DNAH6: variants seen among roughly 807,000 people sequenced by gnomAD.
The protein encoded by DNAH6 is axonemal beta dynein heavy chain 6.
Under a neutral mutation model 491.4 loss-of-function variants are expected in DNAH6, and 340 were observed. The ratio of observed to expected loss-of-function variants is 0.69; its 90% CI spans 0.63 to 0.76. The LOEUF is 0.76. DNAH6 is among the 30% of genes least tolerant of loss of function. The pLI, the probability that DNAH6 is intolerant of heterozygous loss-of-function variation, is 0.00. For missense variants in DNAH6, 4,443 were observed against 4,972.2 expected (o/e 0.89, Z 3.20); for synonymous variants, 1,603 against 1,686.1 (o/e 0.95, Z 1.21).
the DNAH6 span, among the ~76,000 whole-genome samples, chr2:84,468,733 T>G: frequency 5.3e-4 from 80 of 152,334 alleles, no homozygotes; most frequent in Admixed American, 1.1e-3. Context: ...AGTCTCCATT[T>G]CCTTTCCTAG....
intron 12 of DNAH6, 65 bp from the exon 13 acceptor site, chr2:84,577,192 T>A: frequency 1.0e-6 from 1 of 979,440 alleles, no homozygotes; most frequent in Non-Finnish European, 1.4e-6. Context: ...TTTAATATAT[T>A]TTGTAATGAT....
At chr2:84,781,048 A>G (rs1676640498) in intron 64 of DNAH6, among the ~76,000 whole-genome samples, 1 of 152,142 alleles carries the variant, frequency 6.6e-6, no homozygotes, top group Non-Finnish European at 1.5e-5. Flanking sequence ...CGTTGTGAGA[A>G]TTCATTGACC....
chr2:84,518,094 G>GCT, intron 2 of DNAH6, 43 bp downstream of exon 2: 1 of 1,448,068 alleles, frequency 6.9e-7, no homozygotes, highest in Non-Finnish European at 9.3e-7. Flanking sequence ...AGCCACAGAG[G>GCT]AAGTTGTAAA....
At chr2:84,718,725 C>T (rs1051999223) in intron 59 of DNAH6, among the ~76,000 whole-genome samples, 3 of 152,356 alleles carry the variant, frequency 2.0e-5, no homozygotes, top group South Asian at 4.1e-4. Context: ...GAATTAACTT[C>T]CTCCTCCTCA....
chr2:84,685,548 C>T, intron 43 of DNAH6, 76 bp downstream of exon 43: 1 of 896,922 alleles, frequency 1.1e-6, no homozygotes. Flanking sequence ...GAACAATTAA[C>T]ACAAAAAGAA....
the DNAH6 span, among the ~76,000 whole-genome samples, chr2:84,511,413 CTG>C: frequency 7.4e-6 from 1 of 135,860 alleles, no homozygotes; most frequent in Admixed American, 6.8e-5. Flanking sequence ...TTTGCTAAGA[CTG>C]TTGGAAAAGC....
intron 33 of DNAH6, among the ~76,000 whole-genome samples, chr2:84,642,359 T>G (rs1442759992): frequency 3.3e-5 from 5 of 152,208 alleles, no homozygotes; most frequent in Non-Finnish European, 7.3e-5. Context: ...GACTTGGGGT[T>G]TAACATAAAT....
At position 84,726,779 on chromosome 2, in the gene DNAH6, TAA is replaced by T. The variant is rs10539864; in HGVS notation, c.9973-883_9973-882del. Among the ~76,000 whole-genome samples, 3 of 150,910 alleles carry T rather than the reference TAA, an allele frequency of 2.0e-5. No individual in the cohort carries two copies. In the Middle Eastern group the frequency reaches 0.011, roughly 531 times the overall value. Reference sequence around the variant, plus strand: ...CCTAAAACTTAAAGTATAATAATAATAAAAAAAATAAAATAAAAAATAAATTT... The same window carrying T: ...CCTAAAACTTAAAGTATAATAATAATAAAAAATAAAATAAAAAATAAATTT... On this transcript the variant is annotated intron_variant, in intron 60 of 76. Coordinates refer to ENST00000389394, the MANE Select transcript of DNAH6 (RefSeq NM_001370.2).
intron 13 of DNAH6, among the ~76,000 whole-genome samples, chr2:84,578,725 A>G (rs1408587233): frequency 6.6e-6 from 1 of 152,208 alleles, no homozygotes; most frequent in African/African-American, 2.4e-5. Flanking sequence ...TCAGAGGTTC[A>G]CACTTGATAT....
chr2:84,775,706 A>G (rs1044248358), intron 64 of DNAH6, among the ~76,000 whole-genome samples: 1 of 151,856 alleles, frequency 6.6e-6, no homozygotes, highest in Admixed American at 6.6e-5. Flanking sequence ...TCTGTTCAGG[A>G]TTTCTGTTTT....
intron 14 of DNAH6, among the ~76,000 whole-genome samples, chr2:84,580,316 G>GCACACACACACACACA (rs36209367): frequency 2.6e-4 from 39 of 149,288 alleles, no homozygotes; most frequent in African/African-American, 9.2e-4. Context: ...ACATACACAC[G>GCACACACACACACACA]CACACACACA....
chr2:84,528,883 T>C, intron 3 of DNAH6, 21 bp from the exon 4 acceptor site: 1 of 1,513,110 alleles, frequency 6.6e-7, no homozygotes, highest in South Asian at 1.3e-5. Context: ...TTTTTTTTTT[T>C]CAAAAATTGG....
At chr2:84,579,049 A>C (rs1426242828) in intron 13 of DNAH6, among the ~76,000 whole-genome samples, 4 of 152,112 alleles carry the variant, frequency 2.6e-5, no homozygotes, top group Non-Finnish European at 5.9e-5. Context: ...TTCCTTTATA[A>C]ATTACCCAGT....
chr2:84,751,239 G>C (rs918360176), intron 63 of DNAH6: 1 of 152,252 alleles, frequency 6.6e-6, no homozygotes, highest in Non-Finnish European at 1.5e-5. Context: ...AAAAGAGTAT[G>C]TGAAGAAGCC....
intron 62 of DNAH6, among the ~76,000 whole-genome samples, chr2:84,733,813 T>C (rs547514214): frequency 6.6e-6 from 1 of 152,314 alleles, no homozygotes; most frequent in South Asian, 2.1e-4. Flanking sequence ...ACCATATATT[T>C]TATGTATATA....
intron 68 of DNAH6, among the ~76,000 whole-genome samples, chr2:84,791,246 A>G (rs993588737): frequency 1.3e-5 from 2 of 152,074 alleles, no homozygotes; most frequent in African/African-American, 2.4e-5. Flanking sequence ...CTTGTACACA[A>G]ATGTTCATAA....
intron 35 of DNAH6, among the ~76,000 whole-genome samples, chr2:84,657,234 C>G (rs190459666): frequency 6.6e-6 from 1 of 152,006 alleles, no homozygotes; most frequent in Non-Finnish European, 1.5e-5. Flanking sequence ...ATTACTGCAG[C>G]TGTATAGTAA....
upstream of DNAH6, among the ~76,000 whole-genome samples, chr2:84,511,613 G>C (rs139960859): frequency 6.6e-6 from 1 of 152,154 alleles, no homozygotes; most frequent in East Asian, 1.9e-4. Flanking sequence ...CCAGTGAGAC[G>C]AACCCAGTAC....
intron 65 of DNAH6, 27 bp downstream of exon 65, chr2:84,781,680 A>G (rs1390464898): frequency 6.6e-7 from 1 of 1,516,138 alleles, no homozygotes; most frequent in Admixed American, 2.2e-5. Flanking sequence ...GCCCTTGCAT[A>G]ATAATCACAT....
Sources: gnomAD v4.1 joint callset for allele counts (sites outside exome capture counted in the v4.1 genomes callset) on GRCh38, gnomAD v4.1.1 for gene constraint, MANE v1.5 for transcripts, NCBI Gene and HGNC (gene_info 2026-07-23, HGNC 2026-07-21) for gene names.